Variants in PTPRT observed in about 807,000 individuals in gnomAD.
PTPRT encodes protein tyrosine phosphatase receptor type T.
PTPRT carries 56 observed loss-of-function variants against 176.8 expected under a neutral mutation model. The observed-to-expected ratio is 0.32, with a 90% CI of 0.26 to 0.40. The LOEUF is 0.40. Ranked by LOEUF, PTPRT falls within the 10% of genes least tolerant of loss-of-function variation. The pLI is 1.00. For synonymous variants in PTPRT, 783 were observed against 739.0 expected (o/e 1.06, Z -0.96); for missense variants, 1,540 against 1,908.2 (o/e 0.81, Z 3.60).
chr20:42,083,927 T>G (rs1983612780), intron 29 of PTPRT, among the ~76,000 whole-genome samples: 1 of 152,180 alleles, frequency 6.6e-6, no homozygotes, highest in Non-Finnish European at 1.5e-5. Flanking sequence ...CCAGGATAGA[T>G]TCTGTGACAC....
chr20:42,377,569 T>C (rs1479662352), intron 9 of PTPRT, among the ~76,000 whole-genome samples: 3 of 152,232 alleles, frequency 2.0e-5, no homozygotes, highest in Non-Finnish European at 4.4e-5. Context: ...GGATCCTACA[T>C]GGTGTAACGA....
Position 42,637,640 on chromosome 20 carries a change from C to A in PTPRT, c.1153+40226G>T, listed in dbSNP as rs191214557. On this transcript the variant is annotated intron_variant, in intron 7 of 30. Transcript: ENST00000373187. Reference sequence around the variant, plus strand: ...TCCCTTCCCTGAAAATTTTTCATATCATTTTCACCTGAAGAATAATATTTA... The same window carrying A: ...TCCCTTCCCTGAAAATTTTTCATATAATTTTCACCTGAAGAATAATATTTA... 2.2e-3 allele frequency among the ~76,000 whole-genome samples: 337 copies of A among 152,260 alleles called. 3 individuals carry two copies. The highest frequency in any genetic ancestry group is 7.0e-3 in the African/African-American group (292 of 41,536).
At chr20:42,307,866 T>C (rs906067030) in intron 12 of PTPRT, among the ~76,000 whole-genome samples, 2 of 152,118 alleles carry the variant, frequency 1.3e-5, no homozygotes, top group African/African-American at 4.8e-5. Flanking sequence ...GAAGATGTTG[T>C]TGATGAAACA....
chr20:42,705,644 C>T (rs1328951350), intron 6 of PTPRT, among the ~76,000 whole-genome samples: 1 of 152,112 alleles, frequency 6.6e-6, no homozygotes. Flanking sequence ...CTGTTGTAAT[C>T]ATGTCACTTG....
chr20:42,151,722 C>A (rs1311122190), intron 17 of PTPRT, among the ~76,000 whole-genome samples: 1 of 152,190 alleles, frequency 6.6e-6, no homozygotes. Flanking sequence ...GGAATCGCCA[C>A]ACTGTCTTTC....
At chr20:42,923,113 C>T (rs1979263754) in intron 1 of PTPRT, among the ~76,000 whole-genome samples, 1 of 152,154 alleles carries the variant, frequency 6.6e-6, no homozygotes. Context: ...GGTGCCAATT[C>T]ATACCTGTAG....
At chr20:43,059,598 A>G (rs901863431) in intron 1 of PTPRT, among the ~76,000 whole-genome samples, 15 of 152,192 alleles carry the variant, frequency 9.9e-5, no homozygotes, top group African/African-American at 3.6e-4. Flanking sequence ...CATTCTACTC[A>G]GCATTACTTA....
At chr20:42,163,602 A>G (rs965690224) in intron 16 of PTPRT, among the ~76,000 whole-genome samples, 1 of 152,202 alleles carries the variant, frequency 6.6e-6, no homozygotes, top group African/African-American at 2.4e-5. Context: ...AGACAGAAAT[A>G]CTGATTCCAC....
At chr20:43,163,684 T>A in intron 1 of PTPRT, among the ~76,000 whole-genome samples, 1 of 151,488 alleles carries the variant, frequency 6.6e-6, no homozygotes, top group East Asian at 1.9e-4. Context: ...TGTGGAAGGC[T>A]GTGGCTCATT....
chr20:42,921,484 C>T (rs746829988), intron 1 of PTPRT, among the ~76,000 whole-genome samples: 2 of 152,174 alleles, frequency 1.3e-5, no homozygotes, highest in Non-Finnish European at 2.9e-5. Flanking sequence ...ACTCAGGAGG[C>T]TGAGGTAGGA....
intron 1 of PTPRT, among the ~76,000 whole-genome samples, chr20:42,915,247 T>G (rs1253322706): frequency 6.6e-6 from 1 of 152,154 alleles, no homozygotes; most frequent in Non-Finnish European, 1.5e-5. Flanking sequence ...GAGCTTCCAT[T>G]AAAGAGTATG....
intron 1 of PTPRT, among the ~76,000 whole-genome samples, chr20:43,032,177 T>A (rs1246947896): frequency 6.6e-6 from 1 of 152,152 alleles, no homozygotes; most frequent in African/African-American, 2.4e-5. Flanking sequence ...ATGCAGCTGA[T>A]CCAGAATTTT....
Position 42,355,533 on chromosome 20 carries a change from C to T in PTPRT, c.1561-3248G>A, listed in dbSNP as rs182738495. Among the ~76,000 whole-genome samples the T allele has an allele frequency of 2.4e-4, 37 of 152,262 alleles. No individual in the cohort carries two copies. In the East Asian group the frequency reaches 6.0e-3, roughly 25 times the overall value. On this transcript the variant is annotated intron_variant, in intron 9 of 30. Transcript: ENST00000373187. ...TCTAGCTTCTAGGCAGAGGGAACCG[C>T]GTAGGCAAAGATCTGGGATGGGAAA...
At chr20:42,960,704 C>T (rs942672097) in intron 1 of PTPRT, among the ~76,000 whole-genome samples, 6 of 152,096 alleles carry the variant, frequency 3.9e-5, no homozygotes, top group African/African-American at 1.4e-4. Flanking sequence ...ACACACACAG[C>T]CCTTAAGCAA....
At chr20:42,139,876 G>A (rs1036240910) in intron 18 of PTPRT, among the ~76,000 whole-genome samples, 3 of 152,228 alleles carry the variant, frequency 2.0e-5, no homozygotes, top group African/African-American at 7.2e-5. Flanking sequence ...CCCATCACAG[G>A]GCCTGCTTTG....
Position 42,304,188 on chromosome 20 carries a change from T to C in PTPRT, c.2139+11535A>G, listed in dbSNP as rs149742678. Among the ~76,000 whole-genome samples the C allele has an allele frequency of 9.8e-4, 149 of 152,278 alleles. 1 individual carries two copies. Among genetic ancestry groups the C allele is most frequent in the Middle Eastern group, 6.8e-3 (2 of 294 alleles). On this transcript the variant is annotated intron_variant, in intron 12 of 30. Transcript: ENST00000373187. ...CCCTCTCTTTCTTTCAGGCAGCCAG[T>C]GTGTCAGCTGCCGTCTCTGGAAACC...
chr20:42,958,966 A>G (rs900614455), intron 1 of PTPRT, among the ~76,000 whole-genome samples: 25 of 152,222 alleles, frequency 1.6e-4, no homozygotes, highest in African/African-American at 6.0e-4. Flanking sequence ...TTCGCTTAGT[A>G]TTCCCACTGT....
intron 1 of PTPRT, among the ~76,000 whole-genome samples, chr20:43,043,163 G>A (rs573505406): frequency 1.1e-4 from 16 of 152,236 alleles, no homozygotes; most frequent in Admixed American, 7.2e-4. Context: ...CAGGAACCTG[G>A]TCCCCTGCAA....
chr20:42,283,830 T>C (rs186362208), intron 12 of PTPRT, among the ~76,000 whole-genome samples: 7 of 152,198 alleles, frequency 4.6e-5, no homozygotes, highest in Middle Eastern at 6.8e-3. Context: ...AGAGAAGACA[T>C]GACAATGTCT....
Sources: allele counts gnomAD v4.1 joint callset (sites outside exome capture counted in the v4.1 genomes callset), GRCh38; gene constraint gnomAD v4.1.1; transcripts MANE v1.5; gene names NCBI Gene and HGNC (gene_info 2026-07-23, HGNC 2026-07-21).